CADM2: variants seen among roughly 807,000 people sequenced by gnomAD.
The protein encoded by CADM2 is cell adhesion molecule 2.
Under a neutral mutation model 49.8 loss-of-function variants are expected in CADM2, and 12 were observed. That is an observed-to-expected ratio of 0.24 (90% CI 0.15 to 0.39). The LOEUF (loss-of-function observed/expected upper bound fraction) is 0.39. Ranked by LOEUF, CADM2 falls within the 10% of genes least tolerant of loss-of-function variation. CADM2 has a pLI of 1.00. For missense variants in CADM2, 378 were observed against 492.3 expected, an observed-to-expected ratio of 0.77 and a Z score of 2.20; for synonymous variants, 214 against 175.4, an observed-to-expected ratio of 1.22 and a Z score of -1.74.
intron 1 of CADM2, among the ~76,000 whole-genome samples, chr3:85,080,265 A>T (rs1286077745): frequency 1.3e-5 from 2 of 152,018 alleles, no homozygotes; most frequent in Admixed American, 1.3e-4. Context: ...CATGCCTCTT[A>T]ACTCCTATTT....
intron 2 of CADM2, among the ~76,000 whole-genome samples, chr3:85,772,776 T>A: frequency 6.6e-6 from 1 of 151,060 alleles, no homozygotes; most frequent in East Asian, 1.9e-4. Context: ...CCCATCACAG[T>A]CTAGAACAGA....
intron 2 of CADM2, among the ~76,000 whole-genome samples, chr3:85,778,092 A>T (rs2070447283): frequency 6.6e-6 from 1 of 152,160 alleles, no homozygotes; most frequent in African/African-American, 2.4e-5. Flanking sequence ...TGCCCTAAAT[A>T]ATGGTAGCAT....
intron 1 of CADM2, among the ~76,000 whole-genome samples, chr3:85,517,537 A>C (rs1280129629): frequency 6.6e-6 from 1 of 152,152 alleles, no homozygotes; most frequent in Non-Finnish European, 1.5e-5. Flanking sequence ...TAGGCTGTCA[A>C]TATCATTAGA....
chr3:85,391,867 G>T (rs1363227426), intron 1 of CADM2, among the ~76,000 whole-genome samples: 1 of 152,068 alleles, frequency 6.6e-6, no homozygotes, highest in African/African-American at 2.4e-5. Context: ...GACTGAAGAG[G>T]TTGTGGCCAG....
Position 85,489,759 on chromosome 3 carries a change from A to T in CADM2, c.62-236763A>T, listed in dbSNP as rs866690544. On this transcript the variant is annotated intron_variant, in intron 1 of 9. Coordinates refer to ENST00000383699, the MANE Select transcript of CADM2 (RefSeq NM_001167675.2). Reference sequence around the variant, plus strand: ...ATTATTTAACGTGTGTGTGTGTGTGAGAGAGAGAGAGAGAGAGAAATTATT... The same window carrying T: ...ATTATTTAACGTGTGTGTGTGTGTGTGAGAGAGAGAGAGAGAGAAATTATT... Among the ~76,000 whole-genome samples the T allele has an allele frequency of 3.0e-4, 43 of 143,062 alleles. 1 individual carries two copies. The highest frequency in any genetic ancestry group is 7.7e-4 in the Admixed American group (11 of 14,352). 93.9% of individuals were successfully genotyped at this position (143,062 alleles called of 152,430 possible). A position where few individuals can be genotyped will look rare whatever the true frequency, so the allele number is the denominator to read the frequency against.
intron 8 of CADM2, among the ~76,000 whole-genome samples, chr3:86,016,903 ATTATT>A (rs1484201478): frequency 3.9e-5 from 6 of 152,272 alleles, no homozygotes; most frequent in African/African-American, 1.4e-4. Context: ...CAACAAAAGA[ATTATT>A]TTAAAACTTT....
intron 1 of CADM2, among the ~76,000 whole-genome samples, chr3:85,152,978 AT>A (rs2039978419): frequency 2.6e-5 from 4 of 150,964 alleles, no homozygotes; most frequent in Non-Finnish European, 3.0e-5. Flanking sequence ...AAAAAAAAAA[AT>A]GTAAAAAAAA....
intron 5 of CADM2, among the ~76,000 whole-genome samples, chr3:85,910,981 A>G (rs1365028573): frequency 6.6e-6 from 1 of 152,128 alleles, no homozygotes; most frequent in African/African-American, 2.4e-5. Context: ...ATCTTTGCGT[A>G]AGGCACAAAG....
chr3:85,152,312 G>T (rs916820087), intron 1 of CADM2, among the ~76,000 whole-genome samples: 1 of 152,030 alleles, frequency 6.6e-6, no homozygotes, highest in Non-Finnish European at 1.5e-5. Flanking sequence ...AGTGTACTGG[G>T]CCAGTAGGTG....
chr3:85,638,134 T>C (rs969107092), intron 1 of CADM2, among the ~76,000 whole-genome samples: 1 of 152,174 alleles, frequency 6.6e-6, no homozygotes, highest in African/African-American at 2.4e-5. Flanking sequence ...CTTAATTGAA[T>C]ATGTAGATAT....
intron 8 of CADM2, among the ~76,000 whole-genome samples, chr3:86,058,011 T>A (rs936195007): frequency 6.6e-6 from 1 of 152,198 alleles, no homozygotes; most frequent in Non-Finnish European, 1.5e-5. Flanking sequence ...TCGAGATAAC[T>A]ATGATTTTTC....
At chr3:85,515,629 A>ATT (rs201585752) in intron 1 of CADM2, among the ~76,000 whole-genome samples, 46 of 121,778 alleles carry the variant, frequency 3.8e-4, no homozygotes, top group East Asian at 1.2e-3. Flanking sequence ...ATATATATAT[A>ATT]TATTTTTTTT....
intron 1 of CADM2, among the ~76,000 whole-genome samples, chr3:85,133,826 G>T (rs2039318837): frequency 6.6e-6 from 1 of 152,248 alleles, no homozygotes; most frequent in South Asian, 2.1e-4. Flanking sequence ...GGGGCTGCAG[G>T]TGGAGCTGCC....
intron 1 of CADM2, among the ~76,000 whole-genome samples, chr3:85,168,338 A>T (rs1473066501): frequency 6.6e-6 from 1 of 152,174 alleles, no homozygotes; most frequent in Non-Finnish European, 1.5e-5. Context: ...TACAGGCATG[A>T]GCTACCATGC....
chr3:86,000,502 A>T, intron 8 of CADM2, among the ~76,000 whole-genome samples: 1 of 152,272 alleles, frequency 6.6e-6, no homozygotes, highest in South Asian at 2.1e-4. Flanking sequence ...TCTTTAAAAT[A>T]TATAGAGTTC....
rs138756216 is a variant in CADM2, at chr3:85,746,514, C to A, written c.88+19966C>A. ...TCAACAAAATGGTATTTTGTGCCAT[C>A]ATTTCATATGTGCCTGCCCTCCTCC... On this transcript the variant is annotated intron_variant, in intron 2 of 9. Transcript: ENST00000383699. Among the ~76,000 whole-genome samples, 385 of 152,282 alleles carry A rather than the reference C, an allele frequency of 2.5e-3. 1 individual carries two copies. Among genetic ancestry groups the A allele is most frequent in the African/African-American group, 8.6e-3 (358 of 41,570 alleles).
At chr3:85,974,422 T>A (rs1454488784) in intron 8 of CADM2, among the ~76,000 whole-genome samples, 1 of 151,522 alleles carries the variant, frequency 6.6e-6, no homozygotes, top group African/African-American at 2.4e-5. Context: ...ACTTGAAAAA[T>A]TAATAAAACA....
intron 5 of CADM2, among the ~76,000 whole-genome samples, chr3:85,889,710 A>G (rs1364294372): frequency 6.6e-6 from 1 of 152,112 alleles, no homozygotes; most frequent in Non-Finnish European, 1.5e-5. Context: ...AGATATTATT[A>G]TCATTATCAT....
At chr3:85,088,061 G>A (rs758627767) in intron 1 of CADM2, among the ~76,000 whole-genome samples, 2 of 152,124 alleles carry the variant, frequency 1.3e-5, no homozygotes, top group Non-Finnish European at 2.9e-5. Context: ...AAAGCCTGAG[G>A]ACTGAATAGA....
Sources: allele counts gnomAD v4.1 joint callset (sites outside exome capture counted in the v4.1 genomes callset), GRCh38; gene constraint gnomAD v4.1.1; transcripts MANE v1.5; gene names NCBI Gene and HGNC (gene_info 2026-07-23, HGNC 2026-07-21).